The following LETM1 variants were observed in gnomAD, a reference collection of about 807,000 sequenced individuals.
LETM1 encodes the protein mitochondrial proton/calcium exchanger protein.
In LETM1, 50 loss-of-function variants were observed where a neutral mutation model predicts 74.5. The observed-to-expected ratio is 0.67, with a 90% CI of 0.53 to 0.85. The LOEUF (loss-of-function observed/expected upper bound fraction) is 0.85. LETM1 is among the 40% of genes least tolerant of loss of function. The pLI is 0.00. For synonymous variants in LETM1, 446 were observed against 407.1 expected (o/e 1.10, Z -1.15); for missense variants, 824 against 967.8 (o/e 0.85, Z 1.97).
intron 7 of LETM1, among the ~76,000 whole-genome samples, chr4:1,824,324 CAAAG>C (rs934973179): frequency 1.3e-5 from 2 of 152,072 alleles, no homozygotes; most frequent in African/African-American, 4.8e-5. Context: ...CTGTCTCAAA[CAAAG>C]AAACAAGACC....
chr4:1,827,557 T>C (rs1167763251), intron 6 of LETM1, among the ~76,000 whole-genome samples: 2 of 115,260 alleles, frequency 1.7e-5, no homozygotes, highest in Admixed American at 9.4e-5. Flanking sequence ...TTAATCCATT[T>C]AACCCTGAGT....
rs576799016 is a variant in LETM1 at position 1,841,251 on chromosome 4, AG to A, written c.594+95del. 2,435 of 1,109,610 alleles carry A rather than the reference AG, an allele frequency of 2.2e-3. 8 individuals are homozygous for A. The highest frequency in any genetic ancestry group is 2.8e-3 in the Non-Finnish European group (2,151 of 769,812). 68.7% of individuals were successfully genotyped at this position (1,109,610 alleles called of 1,614,324 possible). ...TCCCAGATACTCGGGAGGCTGAGGCAGGAGGATCGCCCATGCCCAGGAAATT... is the reference window on the plus strand; with the variant it reads ...TCCCAGATACTCGGGAGGCTGAGGCAGAGGATCGCCCATGCCCAGGAAATT... On this transcript the variant is annotated intron_variant, in intron 3 of 13. Transcript: ENST00000302787.
In LETM1 at chr4:1,855,456, C is replaced by T. The variant is rs76184196; in HGVS notation, c.82+413G>A. On this transcript the variant is annotated intron_variant, in intron 1 of 13. Transcript: ENST00000302787. ...GACCAGGAAGGCTCCTGCAGCCCAG[C>T]AGGTCCTGCTCGCCGGTGTCTGCCC... Among the ~76,000 whole-genome samples, 741 of 152,350 alleles carry T rather than the reference C, an allele frequency of 4.9e-3. 9 individuals carry two copies. The highest frequency in any genetic ancestry group is 0.016 in the African/African-American group (676 of 41,578).
chr4:1,822,960 C>A (rs371166465), intron 9 of LETM1, 28 bp downstream of exon 9: 27 of 1,444,570 alleles, frequency 1.9e-5, no homozygotes, highest in African/African-American at 4.4e-5. Context: ...GACAGCCCCA[C>A]GCGGCACGGA....
Position 1,832,838 on chromosome 4 carries a change from A to G in LETM1, c.986T>C (p.Leu329Pro), listed in dbSNP as rs1013400250. The G allele has an allele frequency of 1.9e-6, 3 of 1,614,126 alleles. No homozygotes were observed. The highest frequency in any genetic ancestry group is 2.5e-6 in the Non-Finnish European group (3 of 1,180,034). The change falls in exon 6 of 14, where the codon CTG (leucine) becomes CCG (proline). Residue 329 changes from leucine (L) to proline (P), a missense_variant. Around this residue, in one of 4 missense-constraint regions of LETM1, gnomAD observed 269 missense variants for 348.8 expected, o/e 0.77. Coordinates refer to ENST00000302787, the MANE Select transcript of LETM1 (RefSeq NM_012318.3). ...DNLTRPQLVA[L>P]CKLLELQSIG... ...GGACTGTAGCTCCAGCAGCTTGCAC[A>G]GGGCCACCAGCTGCGGCCGTGTCAG...
In LETM1 at chr4:1,823,738, G is replaced by A. The variant is rs550145512; in HGVS notation, c.1238C>T (p.Ser413Leu). The change falls in exon 8 of 14, where the codon TCG becomes TTG. Residue 413 changes from serine to leucine, a missense_variant. Around this residue, in one of 4 missense-constraint regions of LETM1, gnomAD observed 172 missense variants for 170.7 expected, o/e 1.01. Transcript: ENST00000302787. ...DLHLHQEIPT[S>L]LLILSRAMYL... is the part of the protein sequence containing the mutation. ...CATGGCCCGGGACAGGATGAGCAGC[G>A]ATGTGGGGATCTCCTGATGCAGGTG... The A allele has an allele frequency of 1.1e-5, 17 of 1,613,622 alleles. No individual in the cohort carries two copies. The highest frequency in any genetic ancestry group is 2.2e-5 in the East Asian group (1 of 44,878).
intron 5 of LETM1, 126 bp from the exon 6 acceptor site, chr4:1,833,073 CT>C (rs111298028): frequency 0.16 from 80,268 of 503,344 alleles, 5 homozygotes; most frequent in South Asian, 0.24. Flanking sequence ...ACTACTTCTT[CT>C]TTTTTTTTTT....
rs565172924 is a variant in LETM1 at position 1,854,519 on chromosome 4, C to T, written c.82+1350G>A. On this transcript the variant is annotated intron_variant, in intron 1 of 13. Transcript: ENST00000302787. ...AAAATTACAAGAATTGGGGGCCGGG[C>T]GCGGTGGCTCACGCCTGTAATCCCA... 3.3e-5 allele frequency among the ~76,000 whole-genome samples: 5 copies of T among 149,700 alleles called. No individual in the cohort carries two copies. In the South Asian group the frequency reaches 8.5e-4, roughly 25 times the overall value.
chr4:1,842,441 C>G (rs542242743), intron 2 of LETM1, among the ~76,000 whole-genome samples: 3 of 152,254 alleles, frequency 2.0e-5, no homozygotes, highest in South Asian at 2.1e-4. Context: ...CACCTGCCCC[C>G]CCGCCTGGAC....
intron 6 of LETM1, among the ~76,000 whole-genome samples, chr4:1,829,624 G>A (rs1038629405): frequency 2.0e-5 from 3 of 152,202 alleles, no homozygotes; most frequent in African/African-American, 7.2e-5. Flanking sequence ...AGACCAGCTT[G>A]GGCAGCCTAA....
At chr4:1,819,926 T>C (rs1711715460) in intron 10 of LETM1, among the ~76,000 whole-genome samples, 2 of 152,132 alleles carry the variant, frequency 1.3e-5, no homozygotes, top group Non-Finnish European at 2.9e-5. Context: ...GATTTGCCCC[T>C]GTGGTCGTGT....
At chr4:1,855,724 G>C (rs970775127) in intron 1 of LETM1, 145 bp downstream of exon 1, 1 of 427,040 alleles carries the variant, frequency 2.3e-6, no homozygotes, top group Non-Finnish European at 3.7e-6. Context: ...CGAGACCCGG[G>C]GCCCCACGGT....
rs2108832976 is a variant in LETM1 at position 1,814,549 on chromosome 4, CT to C, written c.2094del (p.Asp699MetfsTer13). 6.2e-7 allele frequency: 1 copy of C among 1,613,744 alleles called. No homozygotes were observed. The highest frequency in any genetic ancestry group is 8.5e-7 in the Non-Finnish European group (1 of 1,179,812). On this transcript the variant is annotated frameshift_variant, in exon 14 of 14. Transcript: ENST00000302787. LOFTEE classifies it high-confidence loss of function. ...ACCTGGCTGGTGGAGATGTGAACAT[CT>C]TCTTTGTCCACCAGCTCAATCACCT... ...LVKVIELVDK[E>X]DVHISTSQVA...
At chr4:1,818,500 C>T (rs914756926) in intron 11 of LETM1, among the ~76,000 whole-genome samples, 4 of 151,582 alleles carry the variant, frequency 2.6e-5, no homozygotes, top group Non-Finnish European at 4.4e-5. Flanking sequence ...GTAGTCCCAG[C>T]TACTCAGGAG....
rs1479147599 is a variant in LETM1, at chr4:1,835,109, G to C, written c.739-127C>G. The stretch of plus-strand genomic sequence containing the variant: ...TCACAACACACTGACTCTCATCTAA[G>C]TGCAATACATTCTCAAACTCTTTTA... On this transcript the variant is annotated intron_variant, in intron 4 of 13. Coordinates refer to ENST00000302787, the MANE Select transcript of LETM1 (RefSeq NM_012318.3). 2.5e-5 allele frequency: 21 copies of C among 852,194 alleles called. No homozygotes were observed. The East Asian group carries it at 5.4e-4, about 22-fold the overall frequency. The allele number at this position is 852,194 out of a possible 1,614,324, so 52.8% of individuals were successfully genotyped here.
At chr4:1,854,151 C>T (rs1337651822) in intron 1 of LETM1, among the ~76,000 whole-genome samples, 1 of 152,172 alleles carries the variant, frequency 6.6e-6, no homozygotes, top group Admixed American at 6.5e-5. Flanking sequence ...CTCACCACTC[C>T]AAAAGTTTCA....
intron 1 of LETM1, among the ~76,000 whole-genome samples, chr4:1,855,465 C>T (rs985322832): frequency 1.9e-4 from 29 of 152,360 alleles, no homozygotes; most frequent in African/African-American, 7.0e-4. Flanking sequence ...GCAGGTCCTG[C>T]TCGCCGGTGT....
chr4:1,814,693 T>C (rs1376455834), intron 13 of LETM1, 120 bp from the exon 14 acceptor site: 2 of 785,086 alleles, frequency 2.5e-6, no homozygotes, highest in Admixed American at 4.2e-5. Context: ...ACGCAATCAC[T>C]GCCTGCGGGC....
chr4:1,855,064 G>A lies in LETM1; in HGVS notation c.82+805C>T, dbSNP rs1327011515. On this transcript the variant is annotated intron_variant, in intron 1 of 13. Transcript: ENST00000302787. ...AAAAAAATTAGCTGGGTGTTGTGTG[G>A]CACAACTAACAACTTGGGAGGCTGA... Among the ~76,000 whole-genome samples, 3 of 152,234 alleles carry A rather than the reference G, an allele frequency of 2.0e-5. No individual in the cohort carries two copies. The East Asian group carries it at 5.8e-4, about 29-fold the overall frequency.
Sources: allele counts gnomAD v4.1 joint callset (sites outside exome capture counted in the v4.1 genomes callset), GRCh38; gene constraint gnomAD v4.1.1; regional missense constraint gnomAD v4.1.1; transcripts MANE v1.5; gene names NCBI Gene and HGNC (gene_info 2026-07-23, HGNC 2026-07-21).